DOK6: variants seen among roughly 807,000 people sequenced by gnomAD.
The protein encoded by DOK6 is docking protein 6.
In DOK6, 22 loss-of-function variants were observed where a neutral mutation model predicts 44.0. That is an observed-to-expected ratio of 0.50 (90% CI 0.36 to 0.71). The LOEUF is 0.71. DOK6 is among the 30% of genes least tolerant of loss of function. DOK6 has a pLI of 0.00. For missense variants in DOK6, 340 were observed against 416.4 expected, an observed-to-expected ratio of 0.82 and a Z score of 1.60; for synonymous variants, 166 against 145.5, an observed-to-expected ratio of 1.14 and a Z score of -1.01.
chr18:69,546,795 A>C (rs1982417729), intron 1 of DOK6, among the ~76,000 whole-genome samples: 1 of 151,542 alleles, frequency 6.6e-6, no homozygotes, highest in Non-Finnish European at 1.5e-5. Context: ...TATCATTCCT[A>C]TTTGTTGGGA....
chr18:69,773,970 T>C (rs971651512), intron 7 of DOK6, among the ~76,000 whole-genome samples: 2 of 150,592 alleles, frequency 1.3e-5, no homozygotes, highest in African/African-American at 4.9e-5. Flanking sequence ...CACATGTATG[T>C]TTATAGCAGC....
rs145448946 is a variant in DOK6 at position 69,539,887 on chromosome 18, C to T, written c.67-24600C>T. 4.7e-4 allele frequency among the ~76,000 whole-genome samples: 72 copies of T among 151,886 alleles called. 1 individual carries two copies. The highest frequency in any genetic ancestry group is 1.5e-3 in the African/African-American group (63 of 41,390). ...TCTCTCAGTACTATAAATAAATACC[C>T]GGGACTGGGAAAGAGGTATAATTGA... On this transcript the variant is annotated intron_variant, in intron 1 of 7. Transcript: ENST00000382713.
At chr18:69,550,745 T>C (rs1488030361) in intron 1 of DOK6, among the ~76,000 whole-genome samples, 1 of 151,406 alleles carries the variant, frequency 6.6e-6, no homozygotes, top group Non-Finnish European at 1.5e-5. Context: ...TTAAGTTTTT[T>C]TATTTGTTTG....
At chr18:69,604,684 G>C (rs1034122442) in intron 3 of DOK6, among the ~76,000 whole-genome samples, 23 of 151,948 alleles carry the variant, frequency 1.5e-4, no homozygotes, top group Non-Finnish European at 3.4e-4. Flanking sequence ...AAAAGAACTT[G>C]AAAATCATAA....
chr18:69,405,419 A>C (rs1916185816), intron 1 of DOK6, among the ~76,000 whole-genome samples: 1 of 152,084 alleles, frequency 6.6e-6, no homozygotes, highest in Admixed American at 6.5e-5. Flanking sequence ...CTCTACTAAA[A>C]ATTACAGAAA....
At chr18:69,827,104 C>T (rs1414699583) in intron 7 of DOK6, among the ~76,000 whole-genome samples, 1 of 152,128 alleles carries the variant, frequency 6.6e-6, no homozygotes, top group Non-Finnish European at 1.5e-5. Flanking sequence ...AAAGCAGCTA[C>T]TTGGTAGTCC....
At position 69,576,807 on chromosome 18, in the gene DOK6, C is replaced by A. The variant is rs537574241; in HGVS notation, c.174+12213C>A. ...AAATTTATCCTCAATGAAAACTGAACTAGAGCAATTTACATAGAATCAGCT... is the reference window on the plus strand; with the variant it reads ...AAATTTATCCTCAATGAAAACTGAAATAGAGCAATTTACATAGAATCAGCT... On this transcript the variant is annotated intron_variant, in intron 2 of 7. Coordinates refer to ENST00000382713, the MANE Select transcript of DOK6 (RefSeq NM_152721.6). 1.4e-4 allele frequency among the ~76,000 whole-genome samples: 22 copies of A among 152,232 alleles called. No homozygotes were observed. The South Asian group carries it at 4.1e-3, about 29-fold the overall frequency.
chr18:69,786,404 C>A (rs1980430502), intron 7 of DOK6, among the ~76,000 whole-genome samples: 1 of 152,156 alleles, frequency 6.6e-6, no homozygotes, highest in Non-Finnish European at 1.5e-5. Context: ...GTGGCTTAAC[C>A]TAATTCCTAT....
chr18:69,656,033 G>A (rs1474664623), intron 3 of DOK6, among the ~76,000 whole-genome samples: 1 of 151,798 alleles, frequency 6.6e-6, no homozygotes, highest in African/African-American at 2.4e-5. Context: ...GTTACATCAA[G>A]TCAACAAGTA....
At chr18:69,450,919 A>C (rs1186450885) in intron 1 of DOK6, among the ~76,000 whole-genome samples, 3 of 150,732 alleles carry the variant, frequency 2.0e-5, no homozygotes, top group Non-Finnish European at 4.4e-5. Context: ...AGCGCTAAAC[A>C]TGGAAAGGAA....
intron 1 of DOK6, among the ~76,000 whole-genome samples, chr18:69,497,735 T>A (rs1183092339): frequency 6.6e-6 from 1 of 152,190 alleles, no homozygotes; most frequent in African/African-American, 2.4e-5. Flanking sequence ...CTAGGGAAAT[T>A]TAGGTCGCAC....
chr18:69,505,355 T>C (rs898190558), intron 1 of DOK6, among the ~76,000 whole-genome samples: 2 of 152,106 alleles, frequency 1.3e-5, no homozygotes, highest in Admixed American at 6.6e-5. Context: ...ATTGACTTGT[T>C]TCCTGTGTGA....
chr18:69,481,842 G>A (rs1269660549), intron 1 of DOK6, among the ~76,000 whole-genome samples: 3 of 152,186 alleles, frequency 2.0e-5, no homozygotes, highest in African/African-American at 7.2e-5. Flanking sequence ...CCCACCAACA[G>A]AGTAAAAGTG....
At chr18:69,753,045 A>G (rs751555740) in intron 6 of DOK6, among the ~76,000 whole-genome samples, 1 of 152,302 alleles carries the variant, frequency 6.6e-6, no homozygotes, top group East Asian at 1.9e-4. Flanking sequence ...GATAGTAACA[A>G]AAGTGCAAAG....
intron 7 of DOK6, among the ~76,000 whole-genome samples, chr18:69,829,932 C>G (rs1296977937): frequency 6.6e-6 from 1 of 152,060 alleles, no homozygotes; most frequent in Non-Finnish European, 1.5e-5. Flanking sequence ...TGCAATTTGA[C>G]AGTTTATGTC....
chr18:69,557,218 G>T (rs1298644334), intron 1 of DOK6, among the ~76,000 whole-genome samples: 1 of 152,146 alleles, frequency 6.6e-6, no homozygotes, highest in African/African-American at 2.4e-5. Context: ...TTGACTCTCA[G>T]GTTTGACAAC....
At chr18:69,605,077 TG>T (rs1983964804) in intron 3 of DOK6, among the ~76,000 whole-genome samples, 3 of 16,054 alleles carry the variant, frequency 1.9e-4, no homozygotes, top group African/African-American at 6.4e-4. Context: ...GAGATCCCTT[TG>T]TGTGTGTGTG....
chr18:69,541,034 C>G (rs976731003), intron 1 of DOK6, among the ~76,000 whole-genome samples: 7 of 152,106 alleles, frequency 4.6e-5, no homozygotes, highest in African/African-American at 1.7e-4. Flanking sequence ...TGTTATCCTA[C>G]TAGCATATAT....
rs773183518 is a variant in DOK6 at position 69,677,828 on chromosome 18, C to T, written c.384C>T (p.Ala128=). ...DISLGEPDLL[A]AGVQREQNER... is the part of the protein sequence containing the mutation. ...GCCTTGGGGAGCCCGACCTTCTGGC[C>T]GCAGGAGTGCAGCGGGAACAGAATG... The change falls in exon 4 of 8, where the codon GCC becomes GCT. Residue 128 remains alanine (A), a synonymous_variant. Coordinates refer to ENST00000382713, the MANE Select transcript of DOK6 (RefSeq NM_152721.6). 1.1e-5 allele frequency: 17 copies of T among 1,613,538 alleles called. No individual in the cohort carries two copies. The highest frequency in any genetic ancestry group is 1.2e-5 in the Non-Finnish European group (14 of 1,179,766).
Sources: gnomAD v4.1 joint callset for allele counts (sites outside exome capture counted in the v4.1 genomes callset) on GRCh38, gnomAD v4.1.1 for gene constraint, MANE v1.5 for transcripts, NCBI Gene and HGNC (gene_info 2026-07-23, HGNC 2026-07-21) for gene names.